The following RAB7A variants were observed in gnomAD, a reference collection of about 807,000 sequenced individuals.
RAB7A encodes ras-related protein Rab-7a.
In RAB7A, 2 loss-of-function variants were observed where a neutral mutation model predicts 24.5. The ratio of observed to expected loss-of-function variants is 0.08; its 90% CI spans 0.03 to 0.26. The LOEUF is 0.26. Ranked by LOEUF, RAB7A falls within the 10% of genes least tolerant of loss-of-function variation. The pLI, the probability that RAB7A is intolerant of heterozygous loss-of-function variation, is 1.00. For synonymous variants in RAB7A, 100 were observed against 95.9 expected, an observed-to-expected ratio of 1.04 and a Z score of -0.25; for missense variants, 118 against 255.7, an observed-to-expected ratio of 0.46 and a Z score of 3.67.
At chr3:128,807,256 C>CT (rs1405577631) in intron 4 of RAB7A, among the ~76,000 whole-genome samples, 1 of 152,156 alleles carries the variant, frequency 6.6e-6, no homozygotes, top group Non-Finnish European at 1.5e-5. Context: ...GGACTGGCTT[C>CT]TTACTCCATT....
At chr3:128,765,127 G>A (rs1427736276) in intron 1 of RAB7A, 6 of 720,900 alleles carry the variant, frequency 8.3e-6, no homozygotes, top group South Asian at 4.4e-5. Context: ...GGCTGGCTAC[G>A]GGCGGCCGGC....
intron 1 of RAB7A, among the ~76,000 whole-genome samples, chr3:128,788,173 T>C (rs1170422651): frequency 6.6e-6 from 1 of 152,244 alleles, no homozygotes; most frequent in Non-Finnish European, 1.5e-5. Flanking sequence ...AATGTTGCAA[T>C]GCTTGTGTTC....
At chr3:128,730,916 A>G (rs1406317899) in intron 1 of RAB7A, among the ~76,000 whole-genome samples, 3 of 152,220 alleles carry the variant, frequency 2.0e-5, no homozygotes, top group South Asian at 2.1e-4. Flanking sequence ...GTTGGGACCA[A>G]GCAAATCCAA....
At chr3:128,728,704 C>T (rs954979203) in intron 1 of RAB7A, among the ~76,000 whole-genome samples, 1 of 152,122 alleles carries the variant, frequency 6.6e-6, no homozygotes, top group Non-Finnish European at 1.5e-5. Context: ...TCAGGTGATC[C>T]GCCTGTCTCG....
chr3:128,763,988 T>C (rs2070801413), intron 1 of RAB7A, among the ~76,000 whole-genome samples: 1 of 151,902 alleles, frequency 6.6e-6, no homozygotes, highest in Non-Finnish European at 1.5e-5. Flanking sequence ...CACTCATCTT[T>C]AATGAAATTG....
At chr3:128,769,191 GC>G (rs2070861887) in intron 1 of RAB7A, among the ~76,000 whole-genome samples, 2 of 151,632 alleles carry the variant, frequency 1.3e-5, no homozygotes, top group Admixed American at 1.3e-4. Context: ...ACCACACCCG[GC>G]CCAGAACATT....
intron 5 of RAB7A, among the ~76,000 whole-genome samples, chr3:128,807,958 C>G (rs1933841623): frequency 6.6e-6 from 1 of 152,202 alleles, no homozygotes; most frequent in African/African-American, 2.4e-5. Context: ...GATCAGGTCA[C>G]TGGGAGACCC....
chr3:128,756,070 G>T (rs1172656406), intron 1 of RAB7A, among the ~76,000 whole-genome samples: 1 of 152,222 alleles, frequency 6.6e-6, no homozygotes, highest in Non-Finnish European at 1.5e-5. Flanking sequence ...GGGCACAGTG[G>T]CTCATGCCTG....
chr3:128,729,906 GTCT>G (rs879177097), intron 1 of RAB7A, among the ~76,000 whole-genome samples: 4 of 152,270 alleles, frequency 2.6e-5, no homozygotes, highest in African/African-American at 9.6e-5. Flanking sequence ...GGCATTAAAT[GTCT>G]TCTTCTGAAG....
chr3:128,751,885 C>T (rs1259785501), intron 1 of RAB7A, among the ~76,000 whole-genome samples: 2 of 152,122 alleles, frequency 1.3e-5, no homozygotes, highest in Non-Finnish European at 2.9e-5. Flanking sequence ...ATGCTGTTCT[C>T]GAGTTAGGGA....
chr3:128,771,438 AT>A (rs1053330120), intron 1 of RAB7A, among the ~76,000 whole-genome samples: 1 of 152,212 alleles, frequency 6.6e-6, no homozygotes, highest in African/African-American at 2.4e-5. Context: ...GGCTTACTCC[AT>A]TTTGTCAGTA....
intron 1 of RAB7A, among the ~76,000 whole-genome samples, chr3:128,788,503 A>T (rs150643721): frequency 6.6e-6 from 1 of 152,210 alleles, no homozygotes; most frequent in Admixed American, 6.5e-5. Context: ...AACATCATCA[A>T]TGTGTCCTGA....
At chr3:128,727,874 G>A (rs956610951) in intron 1 of RAB7A, among the ~76,000 whole-genome samples, 10 of 152,138 alleles carry the variant, frequency 6.6e-5, no homozygotes, top group African/African-American at 2.4e-4. Context: ...GGACTGGAAG[G>A]TGAGTTAGGA....
At chr3:128,754,024 C>G (rs142699646) in intron 1 of RAB7A, among the ~76,000 whole-genome samples, 1,817 of 151,960 alleles carry the variant, frequency 0.012, 33 homozygotes, top group African/African-American at 0.039. Context: ...AAAAGCTTAA[C>G]GAGTTTGTTA....
At chr3:128,798,145 T>C in intron 3 of RAB7A, 76 bp downstream of exon 3, 1 of 1,545,936 alleles carries the variant, frequency 6.5e-7, no homozygotes, top group Non-Finnish European at 8.9e-7. Context: ...TGCATAGACA[T>C]TTTCCTTCCC....
intron 1 of RAB7A, among the ~76,000 whole-genome samples, chr3:128,787,972 C>T (rs1192452956): frequency 6.6e-6 from 1 of 152,208 alleles, no homozygotes; most frequent in Non-Finnish European, 1.5e-5. Flanking sequence ...CCTCAGCCTC[C>T]CAGAGTTCTG....
chr3:128,745,334 T>C (rs2070601732), intron 1 of RAB7A, among the ~76,000 whole-genome samples: 1 of 151,982 alleles, frequency 6.6e-6, no homozygotes, highest in African/African-American at 2.4e-5. Context: ...TACTGTAAAA[T>C]TTGGAAGAAA....
intron 3 of RAB7A, among the ~76,000 whole-genome samples, chr3:128,804,112 G>A (rs1409645530): frequency 7.2e-6 from 1 of 138,470 alleles, no homozygotes; most frequent in African/African-American, 2.8e-5. Context: ...GGACCTCCCT[G>A]GGCCCCCCCC....
chr3:128,745,763 G>C (rs1437982853), intron 1 of RAB7A, among the ~76,000 whole-genome samples: 1 of 152,236 alleles, frequency 6.6e-6, no homozygotes, highest in Non-Finnish European at 1.5e-5. Flanking sequence ...CAGGTGGGAT[G>C]GAGGGACTCA....
Sources: allele counts gnomAD v4.1 joint callset (sites outside exome capture counted in the v4.1 genomes callset), GRCh38; gene constraint gnomAD v4.1.1; transcripts MANE v1.5; gene names NCBI Gene and HGNC (gene_info 2026-07-23, HGNC 2026-07-21).